The following NEK10 variants were observed in gnomAD, a reference collection of about 807,000 sequenced individuals.
NEK10 encodes the protein serine/threonine-protein kinase Nek10.
A neutral mutation model predicts 159.8 loss-of-function variants in NEK10; 122 were observed. The ratio of observed to expected loss-of-function variants is 0.76; its 90% CI spans 0.66 to 0.89. The LOEUF is 0.89. Ranked by LOEUF, NEK10 falls within the 40% of genes least tolerant of loss-of-function variation. The probability of loss-of-function intolerance (pLI) is 0.00; values close to 1 mark genes in which losing one functional copy is unlikely to be tolerated. For synonymous variants in NEK10, 466 were observed against 457.1 expected, an observed-to-expected ratio of 1.02 and a Z score of -0.25; for missense variants, 1,342 against 1,323.1, an observed-to-expected ratio of 1.01 and a Z score of -0.22.
intron 23 of NEK10, among the ~76,000 whole-genome samples, chr3:27,235,914 A>G (rs1330773078): frequency 6.6e-6 from 1 of 152,186 alleles, no homozygotes; most frequent in East Asian, 1.9e-4. Context: ...GGTAAAAAAA[A>G]GTGATACATA....
At chr3:27,272,022 A>T (rs761799596) in intron 22 of NEK10, among the ~76,000 whole-genome samples, 2 of 152,160 alleles carry the variant, frequency 1.3e-5, no homozygotes, top group African/African-American at 4.8e-5. Flanking sequence ...CTGGTTTTCA[A>T]AAATGGCCTA....
intron 23 of NEK10, among the ~76,000 whole-genome samples, chr3:27,222,910 T>C (rs1952264598): frequency 6.6e-6 from 1 of 151,958 alleles, no homozygotes; most frequent in African/African-American, 2.4e-5. Context: ...AATAATTACA[T>C]CTTTAATAAT....
At chr3:27,348,060 C>T (rs149619876) in intron 3 of NEK10, among the ~76,000 whole-genome samples, 86 of 152,066 alleles carry the variant, frequency 5.7e-4, no homozygotes, top group Non-Finnish European at 7.9e-4. Context: ...TTTTGCTAAA[C>T]GAATAAAATT....
At position 27,145,851 on chromosome 3, in the gene NEK10, TTGGGAGG is replaced by T. The variant is rs754027036; in HGVS notation, c.2870-4276_2870-4270del. On this transcript the variant is annotated intron_variant, in intron 30 of 35. Transcript: ENST00000691995. ...GCAATGGCATTTGGAGGAAGTGAGCTTGGGAGGTGATTAGGTCCTAAGGGCGGAGGCC... is the reference window on the plus strand; with the variant it reads ...GCAATGGCATTTGGAGGAAGTGAGCTTGATTAGGTCCTAAGGGCGGAGGCC... Among the ~76,000 whole-genome samples, 1,123 of 152,032 alleles carry T rather than the reference TTGGGAGG, an allele frequency of 7.4e-3. 5 individuals carry two copies. The highest frequency in any genetic ancestry group is 0.011 in the Non-Finnish European group (762 of 67,962).
chr3:27,313,544 G>C (rs999357410), intron 7 of NEK10, among the ~76,000 whole-genome samples: 1 of 152,130 alleles, frequency 6.6e-6, no homozygotes, highest in Non-Finnish European at 1.5e-5. Context: ...TGTAATCCCA[G>C]CTACTCAGGA....
At chr3:27,140,225 T>C (rs2125572297) in intron 31 of NEK10, among the ~76,000 whole-genome samples, 1 of 152,252 alleles carries the variant, frequency 6.6e-6, no homozygotes, top group Admixed American at 6.5e-5. Context: ...CTGCCCTAAG[T>C]TGCCATTGCT....
intron 23 of NEK10, among the ~76,000 whole-genome samples, chr3:27,231,781 C>T (rs550372646): frequency 4.1e-4 from 62 of 151,578 alleles, no homozygotes; most frequent in Middle Eastern, 3.4e-3. Flanking sequence ...TACAACTCTC[C>T]GAGATCAAAT....
intron 26 of NEK10, among the ~76,000 whole-genome samples, chr3:27,184,475 T>C (rs928938779): frequency 2.0e-5 from 3 of 152,202 alleles, no homozygotes; most frequent in Admixed American, 6.5e-5. Flanking sequence ...TAACTCTTGT[T>C]TGGGGTGGAG....
At chr3:27,269,548 A>G (rs3099187) in intron 22 of NEK10, among the ~76,000 whole-genome samples, 2 of 152,226 alleles carry the variant, frequency 1.3e-5, no homozygotes, top group African/African-American at 4.8e-5. Context: ...TAATTGAGGT[A>G]TGTGCCTAAA....
intron 20 of NEK10, among the ~76,000 whole-genome samples, chr3:27,286,380 C>T (rs1277214413): frequency 6.6e-6 from 1 of 150,732 alleles, no homozygotes; most frequent in African/African-American, 2.4e-5. Context: ...GCCACCGCGC[C>T]CAGCCTTTTT....
chr3:27,322,256 C>T lies in NEK10; in HGVS notation c.368G>A (p.Trp123Ter), dbSNP rs1340368817. The part of the protein sequence containing the change: ...LVKNRLISRE[W>*]VNRAPSIHFL... Reference sequence around the variant, plus strand: ...ATGAATAGATGGGGCTCGATTAACCCACTCTCTGAAAGAAGAAAACAAGAG... The same window carrying T: ...ATGAATAGATGGGGCTCGATTAACCTACTCTCTGAAAGAAGAAAACAAGAG... The change falls in exon 6 of 36, where the codon TGG becomes TAG. Residue 123 changes from tryptophan to a stop codon, truncating the protein, a stop_gained. Transcript: ENST00000691995. LOFTEE classifies it high-confidence loss of function. 1 of 1,537,080 alleles carries T rather than the reference C, an allele frequency of 6.5e-7. No individual in the cohort carries two copies. The highest frequency in any genetic ancestry group is 1.9e-5 in the Admixed American group (1 of 51,918).
chr3:27,254,877 G>A (rs1342796553), intron 23 of NEK10, among the ~76,000 whole-genome samples: 2 of 150,272 alleles, frequency 1.3e-5, no homozygotes, highest in African/African-American at 4.9e-5. Context: ...GCATGTTTTG[G>A]ATTTCTTCCT....
chr3:27,287,484 C>T (rs2042703889), intron 20 of NEK10, among the ~76,000 whole-genome samples: 1 of 152,190 alleles, frequency 6.6e-6, no homozygotes, highest in Admixed American at 6.5e-5. Context: ...GTTTTTCACA[C>T]AGGCAGCTAA....
Position 27,309,009 on chromosome 3 carries a change from A to T in NEK10, c.637-4T>A. 1 of 1,505,350 alleles carries T rather than the reference A, an allele frequency of 6.6e-7. No homozygotes were observed. Among genetic ancestry groups the T allele is most frequent in the Non-Finnish European group, 9.2e-7 (1 of 1,086,092 alleles). The allele number at this position is 1,505,350 out of a possible 1,614,324, so 93.2% of individuals were successfully genotyped here. A position where few individuals can be genotyped will look rare whatever the true frequency, so the allele number is the denominator to read the frequency against. The stretch of plus-strand genomic sequence containing the variant: ...CACCAAGTAAATTTACTAATGTCTG[A>T]AAAATGAAGTAAAATAAAGTTTAAT... On this transcript the variant is annotated splice_polypyrimidine_tract_variant and splice_region_variant and intron_variant, in intron 9 of 35. Transcript: ENST00000691995.
intron 25 of NEK10, among the ~76,000 whole-genome samples, chr3:27,192,554 G>C (rs1020475170): frequency 1.3e-5 from 2 of 151,046 alleles, no homozygotes. Context: ...TCCTGCATGG[G>C]TTGGCTGCTT....
intron 20 of NEK10, among the ~76,000 whole-genome samples, chr3:27,286,685 C>T (rs1575595613): frequency 6.6e-6 from 1 of 151,758 alleles, no homozygotes; most frequent in African/African-American, 2.4e-5. Context: ...CCACCGTGCC[C>T]GGCCGCCATT....
intron 2 of NEK10, 52 bp downstream of exon 2, chr3:27,352,760 T>C: frequency 7.9e-7 from 1 of 1,258,380 alleles, no homozygotes; most frequent in Middle Eastern, 1.9e-4. Context: ...TTAAATCTGT[T>C]CAATGGCCAC....
At chr3:27,198,065 A>C (rs1415533053) in intron 25 of NEK10, among the ~76,000 whole-genome samples, 1 of 152,176 alleles carries the variant, frequency 6.6e-6, no homozygotes, top group African/African-American at 2.4e-5. Flanking sequence ...ACCTAGGAAT[A>C]CAGCTAACCA....
intron 23 of NEK10, among the ~76,000 whole-genome samples, chr3:27,236,962 T>C (rs751719981): frequency 1.3e-5 from 2 of 152,076 alleles, no homozygotes; most frequent in South Asian, 4.1e-4. Context: ...CATATTTCTG[T>C]CCTTATCTCA....
Sources: allele counts gnomAD v4.1 joint callset (sites outside exome capture counted in the v4.1 genomes callset), GRCh38; gene constraint gnomAD v4.1.1; transcripts MANE v1.5; gene names NCBI Gene and HGNC (gene_info 2026-07-23, HGNC 2026-07-21).